The following HECW2 variants were observed in gnomAD, a reference collection of about 807,000 sequenced individuals.
The protein encoded by HECW2 is HECT, C2 and WW domain containing E3 ubiquitin protein ligase 2, also known as E3 ubiquitin-protein ligase HECW2.
HECW2 carries 61 observed loss-of-function variants against 175.2 expected under a neutral mutation model. The observed-to-expected ratio is 0.35, with a 90% CI of 0.28 to 0.43. HECW2 has a LOEUF of 0.43. Among genes scored for constraint, HECW2 ranks in the 20% least tolerant of loss-of-function variants. The pLI is 1.00. For synonymous variants in HECW2, 671 were observed against 731.0 expected, an observed-to-expected ratio of 0.92 and a Z score of 1.32; for missense variants, 1,524 against 2,000.5, an observed-to-expected ratio of 0.76 and a Z score of 4.54.
chr2:196,566,555 G>A lies in HECW2; in HGVS notation c.-36+26953C>T, dbSNP rs114395827. 7.2e-3 allele frequency among the ~76,000 whole-genome samples: 1,067 copies of A among 148,944 alleles called. 20 individuals carry two copies. Among genetic ancestry groups the A allele is most frequent in the African/African-American group, 0.025 (1,023 of 40,300 alleles). ...TTTTCTTTTTTTTTTTTTTGAAATGGAATCTCGTTCTTGCTGCCCAGGCTG... is the reference window on the plus strand; with the variant it reads ...TTTTCTTTTTTTTTTTTTTGAAATGAAATCTCGTTCTTGCTGCCCAGGCTG... On this transcript the variant is annotated intron_variant, in intron 1 of 28. Coordinates refer to ENST00000644978, the MANE Select transcript of HECW2 (RefSeq NM_001348768.2).
At chr2:196,463,954 A>T (rs1163392496) in intron 1 of HECW2, among the ~76,000 whole-genome samples, 1 of 152,102 alleles carries the variant, frequency 6.6e-6, no homozygotes, top group African/African-American at 2.4e-5. Flanking sequence ...CTACTTTCCC[A>T]TTCTCCTTCC....
chr2:196,581,260 C>G lies in HECW2; in HGVS notation c.-36+12248G>C, dbSNP rs149948286. On this transcript the variant is annotated intron_variant, in intron 1 of 28. Transcript: ENST00000644978. ...ACTAAAAAGTACTGAATTGACTGGG[C>G]ATGATGGGTCACACCTGTAATTCCA... 3.2e-3 allele frequency among the ~76,000 whole-genome samples: 488 copies of G among 152,284 alleles called. 1 individual carries two copies. Among genetic ancestry groups the G allele is most frequent in the Non-Finnish European group, 5.1e-3 (350 of 68,020 alleles).
chr2:196,465,385 A>G (rs1575575666), intron 1 of HECW2, among the ~76,000 whole-genome samples: 1 of 152,166 alleles, frequency 6.6e-6, no homozygotes, highest in Non-Finnish European at 1.5e-5. Context: ...GTGAAGCAGT[A>G]GTTAGCTTTA....
intron 21 of HECW2, among the ~76,000 whole-genome samples, chr2:196,230,425 G>A (rs994021691): frequency 1.3e-5 from 2 of 152,160 alleles, no homozygotes; most frequent in Admixed American, 6.5e-5. Flanking sequence ...GATATAAAAC[G>A]TTTTCAAAGT....
At chr2:196,367,085 T>C (rs898574038) in intron 2 of HECW2, among the ~76,000 whole-genome samples, 2 of 152,202 alleles carry the variant, frequency 1.3e-5, no homozygotes, top group Non-Finnish European at 2.9e-5. Context: ...CTGGAGATGC[T>C]CTCCTGAAAG....
chr2:196,235,150 T>G (rs1477307018), intron 21 of HECW2, among the ~76,000 whole-genome samples: 1 of 149,868 alleles, frequency 6.7e-6, no homozygotes, highest in Non-Finnish European at 1.5e-5. Context: ...CAGGCTGGAG[T>G]GCAGTGGTGT....
At chr2:196,420,920 A>G (rs1458121485) in intron 2 of HECW2, among the ~76,000 whole-genome samples, 1 of 152,220 alleles carries the variant, frequency 6.6e-6, no homozygotes, top group African/African-American at 2.4e-5. Flanking sequence ...GTCAACAATA[A>G]AAGAGAAGAT....
intron 5 of HECW2, among the ~76,000 whole-genome samples, chr2:196,327,268 T>C (rs1050539816): frequency 6.6e-6 from 1 of 152,162 alleles, no homozygotes; most frequent in Non-Finnish European, 1.5e-5. Flanking sequence ...TTTTCCACAA[T>C]GGGACATTGT....
intron 21 of HECW2, among the ~76,000 whole-genome samples, chr2:196,232,261 A>C (rs1688087244): frequency 6.6e-6 from 1 of 152,222 alleles, no homozygotes; most frequent in African/African-American, 2.4e-5. Flanking sequence ...TTCAGTTAGA[A>C]GTATCAGGGT....
intron 1 of HECW2, among the ~76,000 whole-genome samples, chr2:196,515,106 G>T (rs1384549760): frequency 1.3e-5 from 2 of 152,208 alleles, no homozygotes; most frequent in Admixed American, 1.3e-4. Context: ...CCAGACGCAG[G>T]TGCCTGCAGC....
At chr2:196,547,623 C>T (rs1689470336) in intron 1 of HECW2, among the ~76,000 whole-genome samples, 1 of 152,176 alleles carries the variant, frequency 6.6e-6, no homozygotes. Flanking sequence ...TCAGGTGCCA[C>T]CACACAGAAA....
At chr2:196,473,017 G>A (rs1324050910) in intron 1 of HECW2, among the ~76,000 whole-genome samples, 1 of 152,198 alleles carries the variant, frequency 6.6e-6, no homozygotes, top group African/African-American at 2.4e-5. Context: ...TAATGAAATT[G>A]TAGAATCTTG....
At chr2:196,427,972 CAT>C (rs1322671335) in intron 2 of HECW2, among the ~76,000 whole-genome samples, 9 of 152,194 alleles carry the variant, frequency 5.9e-5, no homozygotes, top group Non-Finnish European at 1.0e-4. Flanking sequence ...GATTCACATG[CAT>C]ATGTTTTCCC....
chr2:196,506,364 T>C (rs1283358744), intron 1 of HECW2, among the ~76,000 whole-genome samples: 5 of 152,188 alleles, frequency 3.3e-5, no homozygotes, highest in African/African-American at 4.8e-5. Flanking sequence ...GAATCAATAG[T>C]TCTGGAAACT....
chr2:196,407,136 G>A (rs1694986510), intron 2 of HECW2, among the ~76,000 whole-genome samples: 1 of 151,612 alleles, frequency 6.6e-6, no homozygotes, highest in South Asian at 2.1e-4. Context: ...GAGCTTTCTG[G>A]TATAAAAAAG....
In HECW2 at chr2:196,301,506, C is replaced by A. The variant is rs114555813; in HGVS notation, c.2814+4982G>T. Among the ~76,000 whole-genome samples, 678 of 152,196 alleles carry A rather than the reference C, an allele frequency of 4.5e-3. 5 individuals are homozygous for A. The highest frequency in any genetic ancestry group is 0.016 in the African/African-American group (645 of 41,536). ...TACACTCCCACCGAAAGTGCAGAAG[C>A]ATTTCTTTATCTCTGTAACTTCGCC... On this transcript the variant is annotated intron_variant, in intron 13 of 28. Coordinates refer to ENST00000644978, the MANE Select transcript of HECW2 (RefSeq NM_001348768.2).
chr2:196,242,373 G>A (rs1206336556), intron 19 of HECW2, 169 bp from the exon 20 acceptor site: 7 of 740,244 alleles, frequency 9.5e-6, no homozygotes, highest in African/African-American at 1.8e-5. Context: ...CCTCAACCAA[G>A]GTCTTAAGTG....
At position 196,257,512 on chromosome 2, in the gene HECW2, G is replaced by GCCTT. The variant is rs371910575; in HGVS notation, c.3419+307_3419+310dup. On this transcript the variant is annotated intron_variant, in intron 18 of 28. Transcript: ENST00000644978. ...AAACACTGAGGGGTAAACGGTGGAT[G>GCCTT]CCTTGTTCAGATACCCTTCTGTTCC... Among the ~76,000 whole-genome samples, 945 of 152,310 alleles carry GCCTT rather than the reference G, an allele frequency of 6.2e-3. 6 individuals are homozygous for GCCTT. Among genetic ancestry groups the GCCTT allele is most frequent in the African/African-American group, 0.022 (920 of 41,564 alleles).
intron 2 of HECW2, among the ~76,000 whole-genome samples, chr2:196,345,312 C>T (rs897467782): frequency 6.6e-6 from 1 of 152,234 alleles, no homozygotes; most frequent in Non-Finnish European, 1.5e-5. Flanking sequence ...CACTGAGCTT[C>T]TACCTTGCCA....
Sources: gnomAD v4.1 joint callset for allele counts (sites outside exome capture counted in the v4.1 genomes callset) on GRCh38, gnomAD v4.1.1 for gene constraint, MANE v1.5 for transcripts, NCBI Gene and HGNC (gene_info 2026-07-23, HGNC 2026-07-21) for gene names.